LPP: variants seen among roughly 807,000 people sequenced by gnomAD.
LPP encodes LIM domain containing preferred translocation partner in lipoma, also known as lipoma-preferred partner.
In LPP, 38 loss-of-function variants were observed where a neutral mutation model predicts 60.4. The observed-to-expected ratio is 0.63, with a 90% CI of 0.49 to 0.83. The LOEUF is 0.83. Ranked by LOEUF, LPP falls within the 40% of genes least tolerant of loss-of-function variation. The pLI is 0.00. For missense variants in LPP, 902 were observed against 783.6 expected (o/e 1.15, Z -1.80); for synonymous variants, 328 against 290.8 (o/e 1.13, Z -1.30).
chr3:188,238,886 T>C (rs1722837310), intron 2 of LPP, among the ~76,000 whole-genome samples: 1 of 152,320 alleles, frequency 6.6e-6, no homozygotes, highest in Non-Finnish European at 1.5e-5. Context: ...ACAAATCTTC[T>C]ATTTGTAAAA....
intron 5 of LPP, among the ~76,000 whole-genome samples, chr3:188,502,210 G>A (rs562553001): frequency 7.2e-5 from 11 of 152,070 alleles, no homozygotes; most frequent in African/African-American, 1.7e-4. Context: ...AAAGTTGGAC[G>A]TTGAAATCTC....
chr3:188,249,938 C>T (rs1479727832), intron 2 of LPP, among the ~76,000 whole-genome samples: 1 of 147,042 alleles, frequency 6.8e-6, no homozygotes, highest in African/African-American at 2.5e-5. Flanking sequence ...GAGTAGGTCA[C>T]TTATATCATT....
At chr3:188,752,277 T>A (rs1481006612) in intron 8 of LPP, among the ~76,000 whole-genome samples, 1 of 152,102 alleles carries the variant, frequency 6.6e-6, no homozygotes, top group African/African-American at 2.4e-5. Context: ...ATTGACAGAA[T>A]GGCTGGATAA....
At chr3:188,436,900 G>A (rs1487646942) in intron 4 of LPP, among the ~76,000 whole-genome samples, 4 of 152,056 alleles carry the variant, frequency 2.6e-5, no homozygotes, top group Non-Finnish European at 4.4e-5. Flanking sequence ...AGCTTTAATG[G>A]AGACAGGCGA....
intron 7 of LPP, among the ~76,000 whole-genome samples, chr3:188,631,744 G>C (rs998429648): frequency 6.6e-6 from 1 of 152,154 alleles, no homozygotes; most frequent in African/African-American, 2.4e-5. Context: ...AGCTAGGACA[G>C]TAATGGGCCC....
At chr3:188,514,295 G>A (rs1015518902) in intron 5 of LPP, among the ~76,000 whole-genome samples, 2 of 150,688 alleles carry the variant, frequency 1.3e-5, no homozygotes, top group South Asian at 2.1e-4. Context: ...TCTAGTGTTC[G>A]CTTGTTCATT....
intron 7 of LPP, among the ~76,000 whole-genome samples, chr3:188,654,349 C>A (rs919473660): frequency 6.6e-6 from 1 of 152,082 alleles, no homozygotes; most frequent in Non-Finnish European, 1.5e-5. Context: ...ACATTCCTGA[C>A]AGAGGAAATA....
intron 6 of LPP, among the ~76,000 whole-genome samples, chr3:188,560,666 G>A (rs539976854): frequency 6.6e-6 from 1 of 152,162 alleles, no homozygotes; most frequent in East Asian, 1.9e-4. Flanking sequence ...AAGTAATGAA[G>A]CCTATCTTTT....
intron 10 of LPP, 76 bp from the exon 11 acceptor site, chr3:188,872,567 C>T: frequency 6.4e-7 from 1 of 1,561,158 alleles, no homozygotes; most frequent in Non-Finnish European, 8.8e-7. Context: ...TCAGTTTCCA[C>T]CTCTTCCTTT....
In LPP at chr3:188,772,282, C is replaced by T. The variant is rs148945844; in HGVS notation, c.1410+12000C>T. Among the ~76,000 whole-genome samples the T allele has an allele frequency of 2.9e-3, 443 of 152,244 alleles. 3 individuals carry two copies. The highest frequency in any genetic ancestry group is 0.01 in the African/African-American group (426 of 41,524). On this transcript the variant is annotated intron_variant, in intron 9 of 11. Transcript: ENST00000617246. ...TTGGTTGCCTACCTTCTGCCTTTTC[C>T]GATCTCCAGCCTTAAAATGCTTTCC... is the stretch of plus-strand genomic sequence containing the variant.
At chr3:188,221,669 A>G (rs904228445) in intron 1 of LPP, among the ~76,000 whole-genome samples, 1 of 152,156 alleles carries the variant, frequency 6.6e-6, no homozygotes, top group Non-Finnish European at 1.5e-5. Context: ...TTTGTTTCCC[A>G]CATACCAGTA....
chr3:188,606,289 G>A (rs753007935), intron 6 of LPP, among the ~76,000 whole-genome samples: 17 of 152,278 alleles, frequency 1.1e-4, no homozygotes, highest in Non-Finnish European at 2.1e-4. Context: ...TCCTTGAGAA[G>A]ACCTAGTTGG....
At chr3:188,264,254 G>A (rs1734654133) in intron 2 of LPP, among the ~76,000 whole-genome samples, 1 of 150,646 alleles carries the variant, frequency 6.6e-6, no homozygotes, top group Admixed American at 6.6e-5. Context: ...ACAAACATTA[G>A]TTTTGTGTGT....
At chr3:188,866,701 C>G (rs922971734) in intron 10 of LPP, among the ~76,000 whole-genome samples, 4 of 152,124 alleles carry the variant, frequency 2.6e-5, no homozygotes, top group African/African-American at 7.2e-5. Context: ...TAAATATGAA[C>G]AAAATTTGTG....
intron 7 of LPP, among the ~76,000 whole-genome samples, chr3:188,637,378 A>G (rs2148675104): frequency 6.6e-6 from 1 of 152,280 alleles, no homozygotes; most frequent in Non-Finnish European, 1.5e-5. Context: ...GTAGAGGGAA[A>G]TTTATAGCAC....
At chr3:188,165,534 A>T (rs1197523569) in intron 1 of LPP, among the ~76,000 whole-genome samples, 1 of 152,200 alleles carries the variant, frequency 6.6e-6, no homozygotes, top group African/African-American at 2.4e-5. Context: ...GTTAGGGTCT[A>T]CATTGAGAGA....
intron 7 of LPP, among the ~76,000 whole-genome samples, chr3:188,634,418 C>T (rs1048371574): frequency 6.6e-6 from 1 of 152,336 alleles, no homozygotes; most frequent in South Asian, 2.1e-4. Flanking sequence ...GTCATTTGCT[C>T]ATGGTCCTAC....
intron 7 of LPP, among the ~76,000 whole-genome samples, chr3:188,650,306 C>A (rs930151831): frequency 5.3e-5 from 8 of 152,194 alleles, no homozygotes; most frequent in Admixed American, 2.6e-4. Flanking sequence ...TAAACTCAGG[C>A]AGTCCATGCT....
chr3:188,342,824 G>A (rs1367418993), intron 3 of LPP, among the ~76,000 whole-genome samples: 1 of 152,038 alleles, frequency 6.6e-6, no homozygotes, highest in Non-Finnish European at 1.5e-5. Context: ...AAGAACACGT[G>A]CAGACAAGGT....
Sources: gnomAD v4.1 joint callset for allele counts (sites outside exome capture counted in the v4.1 genomes callset) on GRCh38, gnomAD v4.1.1 for gene constraint, MANE v1.5 for transcripts, NCBI Gene and HGNC (gene_info 2026-07-23, HGNC 2026-07-21) for gene names.